RBM20: variants seen among roughly 807,000 people sequenced by gnomAD.
RBM20 encodes RNA binding motif protein 20, also known as RNA-binding protein 20.
In RBM20, 51 loss-of-function variants were observed where a neutral mutation model predicts 110.1. The ratio of observed to expected loss-of-function variants is 0.46; its 90% CI spans 0.37 to 0.59. The LOEUF (loss-of-function observed/expected upper bound fraction) is 0.59. RBM20 is among the 20% of genes least tolerant of loss of function. The pLI, the probability that RBM20 is intolerant of heterozygous loss-of-function variation, is 0.00. For missense variants in RBM20, 1,512 were observed against 1,574.9 expected, an observed-to-expected ratio of 0.96 and a Z score of 0.68; for synonymous variants, 589 against 618.2, an observed-to-expected ratio of 0.95 and a Z score of 0.70.
intron 1 of RBM20, among the ~76,000 whole-genome samples, chr10:110,712,142 G>A (rs952034293): frequency 2.6e-5 from 4 of 152,044 alleles, no homozygotes; most frequent in Non-Finnish European, 4.4e-5. Flanking sequence ...ATATTATTTT[G>A]TGTCATTCTT....
intron 1 of RBM20, among the ~76,000 whole-genome samples, chr10:110,737,289 T>A (rs2134962403): frequency 6.6e-6 from 1 of 151,592 alleles, no homozygotes; most frequent in East Asian, 1.9e-4. Flanking sequence ...TATGAGGAAG[T>A]GGTCCTCACC....
At chr10:110,814,990 G>A (rs1844820905) in intron 9 of RBM20, among the ~76,000 whole-genome samples, 1 of 152,134 alleles carries the variant, frequency 6.6e-6, no homozygotes, top group Non-Finnish European at 1.5e-5. Flanking sequence ...ATTAATGACG[G>A]CATCATGAGA....
At chr10:110,745,044 C>T (rs1330948326) in intron 1 of RBM20, among the ~76,000 whole-genome samples, 1 of 152,226 alleles carries the variant, frequency 6.6e-6, no homozygotes, top group Non-Finnish European at 1.5e-5. Context: ...CTGTCACTCT[C>T]CTCGTGGTTA....
intron 1 of RBM20, among the ~76,000 whole-genome samples, chr10:110,686,931 C>G (rs1033670931): frequency 2.0e-5 from 3 of 150,766 alleles, no homozygotes; most frequent in African/African-American, 7.3e-5. Context: ...CCCAGCTACT[C>G]GAGAGGCTGA....
chr10:110,755,814 C>T (rs1333380381), intron 1 of RBM20, among the ~76,000 whole-genome samples: 1 of 152,078 alleles, frequency 6.6e-6, no homozygotes, highest in Non-Finnish European at 1.5e-5. Flanking sequence ...ATTGGTTGGC[C>T]AATAAGTTTC....
chr10:110,710,871 C>T (rs940574778), intron 1 of RBM20, among the ~76,000 whole-genome samples: 4 of 152,138 alleles, frequency 2.6e-5, no homozygotes, highest in Non-Finnish European at 5.9e-5. Context: ...GGGCAGGTGA[C>T]GTGAAGGCCA....
chr10:110,760,038 G>A (rs555174201), intron 1 of RBM20, among the ~76,000 whole-genome samples: 9 of 152,312 alleles, frequency 5.9e-5, no homozygotes, highest in East Asian at 3.9e-4. Flanking sequence ...GCTTCAAGCC[G>A]TGGCATGTAC....
intron 1 of RBM20, among the ~76,000 whole-genome samples, chr10:110,670,320 G>A (rs1281135145): frequency 6.6e-6 from 1 of 152,150 alleles, no homozygotes. Context: ...GCTCACTCTT[G>A]TCTCTTTCCC....
chr10:110,658,149 C>A (rs1267990905), intron 1 of RBM20, among the ~76,000 whole-genome samples: 2 of 152,080 alleles, frequency 1.3e-5, no homozygotes, highest in Non-Finnish European at 2.9e-5. Flanking sequence ...TGAAAGAAAC[C>A]CTAAAAATCA....
intron 1 of RBM20, among the ~76,000 whole-genome samples, chr10:110,764,349 C>T (rs567133323): frequency 1.9e-4 from 29 of 152,270 alleles, no homozygotes; most frequent in Middle Eastern, 3.4e-3. Flanking sequence ...GTAAACCAGG[C>T]GAGGCTTTGG....
chr10:110,696,266 T>G (rs956428730), intron 1 of RBM20, among the ~76,000 whole-genome samples: 13 of 152,204 alleles, frequency 8.5e-5, no homozygotes, highest in African/African-American at 3.1e-4. Flanking sequence ...TAGATGTACA[T>G]GTCCCCAACC....
chr10:110,682,769 AGGGGAGC>A (rs1220634843), intron 1 of RBM20, among the ~76,000 whole-genome samples: 2 of 152,228 alleles, frequency 1.3e-5, no homozygotes, highest in African/African-American at 4.8e-5. Context: ...AGAATATTTC[AGGGGAGC>A]TACTGTAGGA....
At chr10:110,686,698 T>C (rs939976707) in intron 1 of RBM20, among the ~76,000 whole-genome samples, 14 of 152,362 alleles carry the variant, frequency 9.2e-5, no homozygotes, top group African/African-American at 3.4e-4. Flanking sequence ...GTCTGGAATT[T>C]GGAAATTTCT....
At chr10:110,685,360 G>T (rs1433085553) in intron 1 of RBM20, among the ~76,000 whole-genome samples, 1 of 152,146 alleles carries the variant, frequency 6.6e-6, no homozygotes, top group Non-Finnish European at 1.5e-5. Flanking sequence ...CTTGGAGACT[G>T]GTGACAAAGC....
chr10:110,733,268 C>T (rs762127047), intron 1 of RBM20, among the ~76,000 whole-genome samples: 16 of 152,360 alleles, frequency 1.1e-4, no homozygotes, highest in South Asian at 8.3e-4. Context: ...AGTTCATCCC[C>T]GTCCCCAACC....
chr10:110,750,519 C>T (rs563106969), intron 1 of RBM20, among the ~76,000 whole-genome samples: 1 of 152,174 alleles, frequency 6.6e-6, no homozygotes, highest in Admixed American at 6.5e-5. Flanking sequence ...GGAAGAGCAT[C>T]GTCACAAGCA....
chr10:110,819,164 T>C (rs1045811853), intron 9 of RBM20, among the ~76,000 whole-genome samples: 2 of 152,240 alleles, frequency 1.3e-5, no homozygotes, highest in African/African-American at 2.4e-5. Flanking sequence ...GGAGTAGTCA[T>C]TGATTTGGTG....
intron 1 of RBM20, among the ~76,000 whole-genome samples, chr10:110,779,997 G>GT (rs11296508): frequency 7.3e-5 from 11 of 151,608 alleles, no homozygotes; most frequent in Non-Finnish European, 8.8e-5. Flanking sequence ...TTTTGTTTTT[G>GT]TTTTTTTGTA....
intron 7 of RBM20, among the ~76,000 whole-genome samples, chr10:110,804,369 G>A (rs1162118549): frequency 3.3e-5 from 5 of 152,228 alleles, no homozygotes; most frequent in African/African-American, 1.2e-4. Flanking sequence ...GTATCCATGT[G>A]TGTCTCTGGG....
Sources: allele counts gnomAD v4.1 joint callset (sites outside exome capture counted in the v4.1 genomes callset), GRCh38; gene constraint gnomAD v4.1.1; transcripts MANE v1.5; gene names NCBI Gene and HGNC (gene_info 2026-07-23, HGNC 2026-07-21).